Variants in AGMO observed in about 807,000 individuals in gnomAD.
AGMO encodes alkylglycerol monooxygenase.
AGMO carries 75 observed loss-of-function variants against 60.2 expected under a neutral mutation model. The observed-to-expected ratio is 1.25, with a 90% CI of 1.03 to 1.51. AGMO has a LOEUF of 1.51. AGMO is among the 40% of genes most tolerant of loss of function. The probability of loss-of-function intolerance (pLI) is 0.00; values close to 1 mark genes in which losing one functional copy is unlikely to be tolerated. For missense variants in AGMO, 763 were observed against 525.5 expected, an observed-to-expected ratio of 1.45 and a Z score of -4.42; for synonymous variants, 261 against 177.1, an observed-to-expected ratio of 1.47 and a Z score of -3.76.
chr7:15,389,378 C>T (rs1784049891), intron 8 of AGMO, among the ~76,000 whole-genome samples: 1 of 152,110 alleles, frequency 6.6e-6, no homozygotes, highest in Admixed American at 6.5e-5. Flanking sequence ...TGTACCATTT[C>T]TCAATTGGTT....
chr7:15,387,162 T>C (rs1478321393), intron 9 of AGMO, among the ~76,000 whole-genome samples: 2 of 152,234 alleles, frequency 1.3e-5, no homozygotes, highest in East Asian at 1.9e-4. Context: ...AACCAGCCTC[T>C]GCAGCACTGC....
At chr7:15,364,906 C>T (rs551900969) in intron 12 of AGMO, among the ~76,000 whole-genome samples, 1 of 151,984 alleles carries the variant, frequency 6.6e-6, no homozygotes, top group Non-Finnish European at 1.5e-5. Context: ...ACATAATACA[C>T]TCTCTATTAA....
At chr7:15,314,364 C>T (rs995430695) in intron 12 of AGMO, among the ~76,000 whole-genome samples, 1 of 152,044 alleles carries the variant, frequency 6.6e-6, no homozygotes, top group South Asian at 2.1e-4. Context: ...ATAATTGAGT[C>T]ATACATATAT....
chr7:15,208,680 A>G lies in AGMO; in HGVS notation c.1264-7321T>C, dbSNP rs1418836199. Among the ~76,000 whole-genome samples the G allele has an allele frequency of 3.3e-5, 5 of 152,322 alleles. No individual in the cohort carries two copies. In the East Asian group the frequency reaches 9.7e-4, roughly 29 times the overall value. The stretch of plus-strand genomic sequence containing the variant: ...TGATAGCACTATTTTTTGAAGTATA[A>G]GATAGTTCTGTGAATTTAAAAATTC... On this transcript the variant is annotated intron_variant, in intron 12 of 12. Coordinates refer to ENST00000342526, the MANE Select transcript of AGMO (RefSeq NM_001004320.2).
intron 3 of AGMO, among the ~76,000 whole-genome samples, chr7:15,533,919 C>T (rs1784426344): frequency 6.6e-6 from 1 of 152,018 alleles, no homozygotes; most frequent in East Asian, 1.9e-4. Context: ...TGATGTAGCA[C>T]AAGCTATATA....
rs546851399 is a variant in AGMO, at chr7:15,327,740, CTTTTTTT to C, written c.1263+37767_1263+37773del. On this transcript the variant is annotated intron_variant, in intron 12 of 12. Coordinates refer to ENST00000342526, the MANE Select transcript of AGMO (RefSeq NM_001004320.2). ...GAAAAAATGATAAACTGATTTCTTT[CTTTTTTT>C]TTTTTTTTTTTTTTTTTTGAGACAA... Among the ~76,000 whole-genome samples, 612 of 88,028 alleles carry C rather than the reference CTTTTTTT, an allele frequency of 7.0e-3. 10 individuals are homozygous for C. Among genetic ancestry groups the C allele is most frequent in the African/African-American group, 0.024 (515 of 21,586 alleles). 57.7% of individuals were successfully genotyped at this position (88,028 alleles called of 152,430 possible). A position where few individuals can be genotyped will look rare whatever the true frequency, so the allele number is the denominator to read the frequency against.
At chr7:15,400,344 T>G (rs535838981) in intron 5 of AGMO, among the ~76,000 whole-genome samples, 2 of 152,296 alleles carry the variant, frequency 1.3e-5, no homozygotes, top group East Asian at 3.9e-4. Context: ...GCTACTGGCA[T>G]CTAGTGAGCA....
At chr7:15,134,041 T>C in the AGMO span, among the ~76,000 whole-genome samples, 1 of 152,192 alleles carries the variant, frequency 6.6e-6, no homozygotes, top group Non-Finnish European at 1.5e-5. Flanking sequence ...TTCTTAACTT[T>C]CATTTTAGGT....
intron 8 of AGMO, among the ~76,000 whole-genome samples, chr7:15,388,054 C>T (rs191557451): frequency 6.6e-6 from 1 of 152,072 alleles, no homozygotes; most frequent in East Asian, 1.9e-4. Context: ...ATTACAGGTG[C>T]CTGCCACCAT....
intron 12 of AGMO, among the ~76,000 whole-genome samples, chr7:15,267,181 T>C (rs531166591): frequency 2.6e-5 from 4 of 151,976 alleles, no homozygotes; most frequent in African/African-American, 9.7e-5. Flanking sequence ...TTGGCAGAGA[T>C]TTTATGTGCT....
intron 2 of AGMO, among the ~76,000 whole-genome samples, chr7:15,546,236 T>C (rs1784780096): frequency 1.3e-5 from 2 of 152,176 alleles, no homozygotes; most frequent in African/African-American, 4.8e-5. Context: ...GACTGTCTTA[T>C]AACAGCATTA....
chr7:15,546,622 G>C (rs975767898), intron 2 of AGMO, among the ~76,000 whole-genome samples: 1 of 152,212 alleles, frequency 6.6e-6, no homozygotes, highest in African/African-American at 2.4e-5. Context: ...AGAGGTCTGG[G>C]ATGTCCACAC....
intron 2 of AGMO, among the ~76,000 whole-genome samples, chr7:15,546,324 A>G (rs753509015): frequency 6.6e-6 from 1 of 152,182 alleles, no homozygotes; most frequent in Non-Finnish European, 1.5e-5. Flanking sequence ...AAAAAACTCA[A>G]TCTCCAATTT....
At chr7:15,285,460 C>T (rs1317849501) in intron 12 of AGMO, among the ~76,000 whole-genome samples, 1 of 151,856 alleles carries the variant, frequency 6.6e-6, no homozygotes, top group Non-Finnish European at 1.5e-5. Context: ...ATCAAGAACC[C>T]AATTCCTTTT....
intron 5 of AGMO, among the ~76,000 whole-genome samples, chr7:15,397,507 G>T (rs1644394346): frequency 6.6e-6 from 1 of 152,170 alleles, no homozygotes; most frequent in Non-Finnish European, 1.5e-5. Flanking sequence ...CTGACGCCCA[G>T]GCCAAGAAGG....
chr7:15,354,881 TATG>T (rs1782461895), intron 12 of AGMO, among the ~76,000 whole-genome samples: 1 of 141,434 alleles, frequency 7.1e-6, no homozygotes, highest in Admixed American at 7.3e-5. Context: ...TATATTCTCA[TATG>T]TTACATAAAG....
chr7:15,302,058 A>C (rs1361175654), intron 12 of AGMO, among the ~76,000 whole-genome samples: 1 of 152,168 alleles, frequency 6.6e-6, no homozygotes, highest in Non-Finnish European at 1.5e-5. Context: ...GATTTGATAA[A>C]ACCCTTTGTG....
chr7:15,367,966 C>A (rs1292310893), intron 10 of AGMO, among the ~76,000 whole-genome samples: 1 of 152,080 alleles, frequency 6.6e-6, no homozygotes, highest in Non-Finnish European at 1.5e-5. Flanking sequence ...TTTTTGCTCA[C>A]ATGCAGTACT....
At chr7:15,479,078 T>A (rs1391464782) in intron 3 of AGMO, among the ~76,000 whole-genome samples, 1 of 152,178 alleles carries the variant, frequency 6.6e-6, no homozygotes, top group Non-Finnish European at 1.5e-5. Context: ...ATAGTTTTCA[T>A]CAAAATAAAT....
Sources: allele counts gnomAD v4.1 joint callset (sites outside exome capture counted in the v4.1 genomes callset), GRCh38; gene constraint gnomAD v4.1.1; transcripts MANE v1.5; gene names NCBI Gene and HGNC (gene_info 2026-07-23, HGNC 2026-07-21).